KIZ: variants seen among roughly 807,000 people sequenced by gnomAD.
The protein encoded by KIZ is kizuna centrosomal protein, also known as centrosomal protein kizuna.
In KIZ, 68 loss-of-function variants were observed where a neutral mutation model predicts 79.6. The observed-to-expected ratio is 0.85, with a 90% CI of 0.70 to 1.05. The LOEUF (loss-of-function observed/expected upper bound fraction) is 1.05. Among genes scored for constraint, KIZ ranks in the 50% least tolerant of loss-of-function variants. KIZ has a pLI of 0.00. For synonymous variants in KIZ, 280 were observed against 281.8 expected, an observed-to-expected ratio of 0.99 and a Z score of 0.06; for missense variants, 797 against 800.4, an observed-to-expected ratio of 1.00 and a Z score of 0.05.
At chr20:21,237,871 C>A (rs2037074529) in intron 11 of KIZ, among the ~76,000 whole-genome samples, 1 of 152,174 alleles carries the variant, frequency 6.6e-6, no homozygotes, top group African/African-American at 2.4e-5. Context: ...GCTCTGTCAC[C>A]CAGGCTGGAG....
chr20:21,167,435 A>AT lies in KIZ; in HGVS notation c.1352+4280dup, dbSNP rs1364972778. On this transcript the variant is annotated intron_variant, in intron 6 of 12. Coordinates refer to ENST00000619189, the MANE Select transcript of KIZ (RefSeq NM_018474.6). ...ATACCTTCACCATCTGAGCAAGTGC[A>AT]TTTTCACACTCAGGTAAGCAGTAGT... is the stretch of plus-strand genomic sequence containing the variant. Among the ~76,000 whole-genome samples the AT allele has an allele frequency of 2.0e-5, 3 of 151,958 alleles. No individual in the cohort carries two copies. The East Asian group carries it at 5.8e-4, about 29-fold the overall frequency.
intron 8 of KIZ, 61 bp from the exon 9 acceptor site, chr20:21,215,522 C>A: frequency 4.1e-6 from 4 of 965,884 alleles, no homozygotes; most frequent in Admixed American, 2.3e-5. Flanking sequence ...AGGACAAACA[C>A]CCAAAGGATC....
chr20:21,240,601 T>C (rs2037181853), intron 11 of KIZ, among the ~76,000 whole-genome samples: 1 of 152,198 alleles, frequency 6.6e-6, no homozygotes, highest in South Asian at 2.1e-4. Flanking sequence ...TGAGCCATGG[T>C]GCGGGGGAAA....
intron 6 of KIZ, among the ~76,000 whole-genome samples, chr20:21,171,593 G>A (rs747911931): frequency 2.0e-5 from 3 of 152,008 alleles, no homozygotes; most frequent in Non-Finnish European, 4.4e-5. Context: ...TTACAGGCGC[G>A]TGCCACCACA....
chr20:21,126,012 C>G, upstream of KIZ: 3 of 1,332,634 alleles, frequency 2.3e-6, no homozygotes, highest in Non-Finnish European at 2.9e-6. Flanking sequence ...TGCAGGCGGC[C>G]CGGCGCGGTG....
At chr20:21,221,166 C>T (rs936930692) in intron 9 of KIZ, among the ~76,000 whole-genome samples, 3 of 152,094 alleles carry the variant, frequency 2.0e-5, no homozygotes, top group Non-Finnish European at 2.9e-5. Flanking sequence ...TACTTACATC[C>T]GCAAAGTGAA....
At chr20:21,213,166 A>G (rs1170184451) in intron 7 of KIZ, among the ~76,000 whole-genome samples, 1 of 152,220 alleles carries the variant, frequency 6.6e-6, no homozygotes, top group East Asian at 1.9e-4. Context: ...AGAACTCTGC[A>G]GGGAAGTCAG....
intron 6 of KIZ, among the ~76,000 whole-genome samples, chr20:21,199,684 C>T (rs1372255148): frequency 6.6e-6 from 1 of 152,186 alleles, no homozygotes; most frequent in South Asian, 2.1e-4. Flanking sequence ...CTGGGAACTC[C>T]AAATCTAAGT....
At chr20:21,132,023 A>G (rs1395062409) in intron 1 of KIZ, 74 bp from the exon 2 acceptor site, 4 of 703,056 alleles carry the variant, frequency 5.7e-6, no homozygotes, top group Non-Finnish European at 9.9e-6. Context: ...CCATTATTTC[A>G]AAGAAGAGCA....
intron 6 of KIZ, among the ~76,000 whole-genome samples, chr20:21,192,449 T>A (rs1362836588): frequency 6.6e-6 from 1 of 152,040 alleles, no homozygotes; most frequent in East Asian, 1.9e-4. Context: ...CGTGCCTGGC[T>A]TGCTTCTTTT....
chr20:21,228,489 T>TC (rs1172159918), intron 9 of KIZ, among the ~76,000 whole-genome samples: 8 of 152,088 alleles, frequency 5.3e-5, no homozygotes, highest in Non-Finnish European at 8.8e-5. Context: ...TCTCGCTCCT[T>TC]CCCCATGGCA....
chr20:21,234,801 C>T lies in KIZ; in HGVS notation c.1880+1971C>T, dbSNP rs76807139. 1.0e-2 allele frequency among the ~76,000 whole-genome samples: 1,496 copies of T among 150,180 alleles called. 26 individuals are homozygous for T. Among genetic ancestry groups the T allele is most frequent in the African/African-American group, 0.034 (1,394 of 40,896 alleles). ...AAAAAAAAAAAAAAAAAAATGGCTT[C>T]CTCTGATGTCCTAGAGACAATAATT... is the stretch of plus-strand genomic sequence containing the variant. On this transcript the variant is annotated intron_variant, in intron 11 of 12. Coordinates refer to ENST00000619189, the MANE Select transcript of KIZ (RefSeq NM_018474.6).
At position 21,162,261 on chromosome 20, in the gene KIZ, T is replaced by A. The variant is rs2033705627; in HGVS notation, c.796T>A (p.Ser266Thr). The A allele has an allele frequency of 3.1e-6, 5 of 1,613,996 alleles. No homozygotes were observed. The East Asian group carries it at 1.1e-4, about 36-fold the overall frequency. ...CACACGTCATGGCAAGAGTAATTTA[T>A]CTGAAGGCAAAAAGTCTGCTGAACT... ...SNTRHGKSNL[S>T]EGKKSAELNS... Residue 266 changes from serine to threonine, a missense_variant, in exon 5 of 13, where the codon TCT becomes ACT. Coordinates refer to ENST00000619189, the MANE Select transcript of KIZ (RefSeq NM_018474.6).
At chr20:21,163,387 A>G (rs2033787853) in intron 6 of KIZ, among the ~76,000 whole-genome samples, 1 of 152,154 alleles carries the variant, frequency 6.6e-6, no homozygotes, top group African/African-American at 2.4e-5. Flanking sequence ...TAAAAGTTTG[A>G]ATATCATTGA....
chr20:21,134,262 G>A (rs963648068), intron 2 of KIZ, among the ~76,000 whole-genome samples: 1 of 152,118 alleles, frequency 6.6e-6, no homozygotes, highest in African/African-American at 2.4e-5. Context: ...CCTAAGATTC[G>A]ACACTGACTG....
At chr20:21,161,823 A>T in intron 4 of KIZ, 48 bp from the exon 5 acceptor site, 1 of 1,377,002 alleles carries the variant, frequency 7.3e-7, no homozygotes. Context: ...ACCCCACCTA[A>T]TTGTTTATAC....
intron 6 of KIZ, among the ~76,000 whole-genome samples, chr20:21,200,190 G>A (rs1175292742): frequency 6.6e-6 from 1 of 152,084 alleles, no homozygotes; most frequent in African/African-American, 2.4e-5. Flanking sequence ...GGATTGTTTG[G>A]TGTAGCAGCA....
intron 6 of KIZ, among the ~76,000 whole-genome samples, chr20:21,201,808 C>G (rs1461001943): frequency 1.3e-5 from 2 of 152,178 alleles, no homozygotes. Flanking sequence ...CTTTGTACCA[C>G]TTTGCACATT....
At position 21,162,131 on chromosome 20, in the gene KIZ, C is replaced by T. The variant is rs750356090; in HGVS notation, c.666C>T (p.Asp222=). 1.2e-6 allele frequency: 2 copies of T among 1,610,974 alleles called. No homozygotes were observed. Among genetic ancestry groups the T allele is most frequent in the Non-Finnish European group, 1.7e-6 (2 of 1,178,596 alleles). Residue 222 remains aspartate (D), a synonymous_variant, in exon 5 of 13, where the codon GAC becomes GAT. Coordinates refer to ENST00000619189, the MANE Select transcript of KIZ (RefSeq NM_018474.6). ...ACACACAGTGCTTAAATAAGTCTGA[C>T]AACATAGATGGAAAGGCATCTCTTC... is the stretch of plus-strand genomic sequence containing the variant. ...SNDTQCLNKS[D]NIDGKASLQI...
Sources: allele counts gnomAD v4.1 joint callset (sites outside exome capture counted in the v4.1 genomes callset), GRCh38; gene constraint gnomAD v4.1.1; transcripts MANE v1.5; gene names NCBI Gene and HGNC (gene_info 2026-07-23, HGNC 2026-07-21).